Variants in MBD6 observed in about 807,000 individuals in gnomAD.
The protein encoded by MBD6 is methyl-CpG binding domain protein 6, also known as methyl-CpG-binding domain protein 6.
A neutral mutation model predicts 66.8 loss-of-function variants in MBD6; 22 were observed. The ratio of observed to expected loss-of-function variants is 0.33; its 90% confidence interval spans 0.24 to 0.47. The LOEUF is 0.47. Among genes scored for constraint, MBD6 ranks in the 20% least tolerant of loss-of-function variants. The pLI is 1.00. For missense variants in MBD6, 1,322 were observed against 1,286.9 expected (o/e 1.03, Z -0.42); for synonymous variants, 540 against 534.6 (o/e 1.01, Z -0.14).
Position 57,528,468 on chromosome 12 carries a change from A to G in MBD6, c.2728A>G (p.Thr910Ala), listed in dbSNP as rs775890075. The change falls in exon 10 of 13, where the codon ACC becomes GCC. Residue 910 changes from threonine to alanine, a missense_variant. Coordinates refer to ENST00000355673, the MANE Select transcript of MBD6 (RefSeq NM_052897.4). ...NGQMERSPRR[T>A]HHWQHNGELA... ...ACAAATGGAAAGGTCCCCAAGAAGA[A>G]CCCACCATTGGCAGCATAATGGGGA... The G allele has an allele frequency of 1.2e-6, 2 of 1,613,852 alleles. No homozygotes were observed. Among genetic ancestry groups the G allele is most frequent in the Non-Finnish European group, 1.7e-6 (2 of 1,180,026 alleles).
At position 57,524,338 on chromosome 12, in the gene MBD6, G is replaced by A; in HGVS notation, c.35G>A (p.Arg12Lys). The change falls in exon 3 of 13, where the codon AGA (arginine) becomes AAA (lysine). Residue 12 changes from arginine (R) to lysine (K), a missense_variant. Arg to Lys is a conservative substitution (Grantham distance 26). Coordinates refer to ENST00000355673, the MANE Select transcript of MBD6 (RefSeq NM_052897.4). ...GGCAATGAGAGCAGTGGAGCAGACA[G>A]AGCTGGGGGCCCTGTGGCCACATCT... is the stretch of plus-strand genomic sequence containing the variant. ...NGGNESSGAD[R>K]AGGPVATSVP... 6.3e-7 allele frequency: 1 copy of A among 1,588,556 alleles called. No individual in the cohort carries two copies. The highest frequency in any genetic ancestry group is 8.6e-7 in the Non-Finnish European group (1 of 1,168,726).
chr12:57,525,698 TCTC>T lies in MBD6; in HGVS notation c.735_737del (p.Pro246del). 1 of 1,613,944 alleles carries T rather than the reference TCTC, an allele frequency of 6.2e-7. No individual in the cohort carries two copies. The highest frequency in any genetic ancestry group is 8.5e-7 in the Non-Finnish European group (1 of 1,179,956). On this transcript the variant is annotated inframe_deletion, in exon 6 of 13. Transcript: ENST00000355673. Reference sequence around the variant, plus strand: ...CAGCCTGGTGCCCTCTGACCTGGGCTCTCCTCCGGCCCCTCATGCCTCCTCCTC... The same window carrying T: ...CAGCCTGGTGCCCTCTGACCTGGGCTCTCCGGCCCCTCATGCCTCCTCCTC...
rs1223579728 is a variant in MBD6 at position 57,529,262 on chromosome 12, C to G, written c.*28C>G. 12 of 1,613,044 alleles carry G rather than the reference C, an allele frequency of 7.4e-6. No individual in the cohort carries two copies. Among genetic ancestry groups the G allele is most frequent in the Middle Eastern group, 1.6e-4 (1 of 6,084 alleles). Reference sequence around the variant, plus strand: ...GCCATACCTGGAGCTGGATCTGACCCTGATTGGGGAGAGCTGAGTGCTGAG... The same window carrying G: ...GCCATACCTGGAGCTGGATCTGACCGTGATTGGGGAGAGCTGAGTGCTGAG... On this transcript the variant is annotated 3_prime_UTR_variant, in exon 13 of 13. Coordinates refer to ENST00000355673, the MANE Select transcript of MBD6 (RefSeq NM_052897.4).
At chr12:57,521,053 A>G (rs1328025807), upstream of MBD6, 2 of 152,326 alleles carry the variant, frequency 1.3e-5, no homozygotes, top group Non-Finnish European at 1.5e-5. Context: ...CCCCCACTAT[A>G]AGGGACTCCC....
In MBD6 at chr12:57,525,701, C is replaced by T. The variant is rs777843580; in HGVS notation, c.733C>T (p.Pro245Ser). 6.2e-6 allele frequency: 10 copies of T among 1,613,966 alleles called. No homozygotes were observed. The Admixed American group carries it at 1.5e-4, about 24-fold the overall frequency. The part of the protein sequence containing the change: ...SSLVPSDLGS[P>S]PAPHASSSPP... ...CCTGGTGCCCTCTGACCTGGGCTCT[C>T]CTCCGGCCCCTCATGCCTCCTCCTC... is the stretch of plus-strand genomic sequence containing the variant. The change falls in exon 6 of 13, where the codon CCT (proline) becomes TCT (serine). Residue 245 changes from proline (P) to serine (S), a missense_variant. By Grantham distance (74) the Pro-to-Ser change is moderately conservative. Transcript: ENST00000355673.
intron 5 of MBD6, 57 bp downstream of exon 5, chr12:57,525,172 G>A: frequency 1.3e-6 from 2 of 1,569,866 alleles, no homozygotes; most frequent in African/African-American, 2.8e-5. Context: ...TTGGAAGGCT[G>A]GTGGTGGGAG....
At chr12:57,521,158 G>C (rs1025853517), upstream of MBD6, 1 of 152,232 alleles carries the variant, frequency 6.6e-6, no homozygotes, top group African/African-American at 2.4e-5. Context: ...TCGACATCTC[G>C]AGTCTTCTTA....
At position 57,527,064 on chromosome 12, in the gene MBD6, G is replaced by A; in HGVS notation, c.1919G>A (p.Gly640Glu). 6.2e-7 allele frequency: 1 copy of A among 1,607,172 alleles called. No individual in the cohort carries two copies. Among genetic ancestry groups the A allele is most frequent in the Non-Finnish European group, 8.5e-7 (1 of 1,175,352 alleles). ...GGCCCCACAGCTGGGGATGGGGAGG[G>A]ATCTGCAGAGGGAGCCGGGGGTCCA... The part of the protein sequence containing the change: ...ALGPTAGDGE[G>E]SAEGAGGPSG... The change falls in exon 7 of 13, where the codon GGA (glycine) becomes GAA (glutamate). Residue 640 changes from glycine to glutamate, a missense_variant. Coordinates refer to ENST00000355673, the MANE Select transcript of MBD6 (RefSeq NM_052897.4).
chr12:57,524,224 A>G, intron 2 of MBD6, 56 bp from the exon 3 acceptor site: 4 of 1,118,196 alleles, frequency 3.6e-6, no homozygotes, highest in Non-Finnish European at 5.0e-6. Context: ...GTCCTCTCTC[A>G]GGTACTTCGC....
chr12:57,524,765 C>T lies in MBD6; in HGVS notation c.159C>T (p.Tyr53=). ...ELSSLEQTRS[Y]LLSDGTCKCG... is the part of the protein sequence containing the mutation. ...CTTCCTTGGAGCAAACCCGGAGCTA[C>T]CTCCTCAGCGATGGGACCTGCAAGT... Residue 53 remains tyrosine (Y), a synonymous_variant, in exon 4 of 13, where the codon TAC becomes TAT. Coordinates refer to ENST00000355673, the MANE Select transcript of MBD6 (RefSeq NM_052897.4). The T allele has an allele frequency of 6.2e-7, 1 of 1,614,258 alleles. No individual in the cohort carries two copies. The highest frequency in any genetic ancestry group is 8.5e-7 in the Non-Finnish European group (1 of 1,180,048).
In MBD6 at chr12:57,526,136, C is replaced by T. The variant is rs767581409; in HGVS notation, c.1168C>T (p.Arg390Trp). Residue 390 changes from arginine (R) to tryptophan (W), a missense_variant, in exon 6 of 13, where the codon CGG (arginine) becomes TGG (tryptophan). By Grantham distance (101) the Arg-to-Trp change is moderately radical. Coordinates refer to ENST00000355673, the MANE Select transcript of MBD6 (RefSeq NM_052897.4). ...GPQTPRRSRP[R>W]APAPVPQPFS... is the part of the protein sequence containing the mutation. ...TCAAACCCCTAGACGGAGCCGTCCT[C>T]GGGCCCCTGCTCCTGTCCCCCAACC... 42 of 1,614,140 alleles carry T rather than the reference C, an allele frequency of 2.6e-5. 1 individual carries two copies. The South Asian group carries it at 3.2e-4, about 12-fold the overall frequency.
rs750311720 is a variant in MBD6, at chr12:57,528,672, C to G, written c.2827C>G (p.Pro943Ala). The G allele has an allele frequency of 6.2e-7, 1 of 1,614,064 alleles. No individual in the cohort carries two copies. Among genetic ancestry groups the G allele is most frequent in the Non-Finnish European group, 8.5e-7 (1 of 1,180,012 alleles). Reference sequence around the variant, plus strand: ...ATAGTCCATCTTTTCTCAGGTGCCCCCGGGAGTAGTCAGAAAGTCTCGTCG... The same window carrying G: ...ATAGTCCATCTTTTCTCAGGTGCCCGCGGGAGTAGTCAGAAAGTCTCGTCG... ...GPHSEDLKVP[P>A]GVVRKSRRGR... Residue 943 changes from proline to alanine, a missense_variant, in exon 11 of 13, where the codon CCG becomes GCG. By Grantham distance (27) the Pro-to-Ala change is conservative (BLOSUM62 -1). Transcript: ENST00000355673.
In MBD6 at chr12:57,525,308, G is replaced by A. The variant is rs1878799438; in HGVS notation, c.380-40G>A. The A allele has an allele frequency of 5.9e-6, 9 of 1,534,094 alleles. No individual in the cohort carries two copies. The African/African-American group carries it at 7.0e-5, about 12-fold the overall frequency. ...GAGAAGACAAAAGAGTTTTTGGAAG[G>A]GGAGCCACAGGCTGACCCTTCATTT... On this transcript the variant is annotated intron_variant, in intron 5 of 12. Coordinates refer to ENST00000355673, the MANE Select transcript of MBD6 (RefSeq NM_052897.4).
upstream of MBD6, among the ~76,000 whole-genome samples, chr12:57,522,356 G>C (rs1176137911): frequency 1.3e-5 from 2 of 152,210 alleles, no homozygotes; most frequent in African/African-American, 4.8e-5. Flanking sequence ...TGGGGAGGCG[G>C]GTCAAGTCCC....
Position 57,528,384 on chromosome 12 carries a change from A to G in MBD6, c.2644A>G (p.Ser882Gly), listed in dbSNP as rs774628364. ...GCCAGCCCGGGGCCGAAAGCCTGGCAGCCGGCGGGAGCCTGGCCGACTGGC... is the reference window on the plus strand; with the variant it reads ...GCCAGCCCGGGGCCGAAAGCCTGGCGGCCGGCGGGAGCCTGGCCGACTGGC... ...ARPARGRKPG[S>G]RREPGRLALK... The change falls in exon 10 of 13, where the codon AGC (serine) becomes GGC (glycine). Residue 882 changes from serine to glycine, a missense_variant. Transcript: ENST00000355673. 3.2e-5 allele frequency: 51 copies of G among 1,612,680 alleles called. No homozygotes were observed. The highest frequency in any genetic ancestry group is 4.2e-5 in the Non-Finnish European group (50 of 1,179,880).
Position 57,526,101 on chromosome 12 carries a change from G to A in MBD6, c.1133G>A (p.Gly378Glu). Residue 378 changes from glycine (G) to glutamate (E), a missense_variant, in exon 6 of 13, where the codon GGG (glycine) becomes GAG (glutamate). By Grantham distance (98) the Gly-to-Glu change is moderately conservative. Transcript: ENST00000355673. ...RPPTVFRLLE[G>E]RGPQTPRRSR... is the part of the protein sequence containing the mutation. The stretch of plus-strand genomic sequence containing the variant: ...CCTACTGTATTTCGATTGCTAGAAG[G>A]GAGAGGCCCTCAAACCCCTAGACGG... The A allele has an allele frequency of 6.2e-7, 1 of 1,613,924 alleles. No individual in the cohort carries two copies.
intron 3 of MBD6, 151 bp from the exon 4 acceptor site, chr12:57,524,569 C>G: frequency 9.6e-7 from 1 of 1,045,858 alleles, no homozygotes; most frequent in Non-Finnish European, 1.5e-6. Flanking sequence ...AGCTCTGGGC[C>G]TTTGAATCCA....
chr12:57,525,123 T>C lies in MBD6; in HGVS notation c.379+8T>C. Reference sequence around the variant, plus strand: ...GCTCACACTCTTCTCCTGGTGAGTCTTCTGCCACTTTACAGAAGACCGAGG... The same window carrying C: ...GCTCACACTCTTCTCCTGGTGAGTCCTCTGCCACTTTACAGAAGACCGAGG... On this transcript the variant is annotated splice_region_variant and intron_variant, in intron 5 of 12. Coordinates refer to ENST00000355673, the MANE Select transcript of MBD6 (RefSeq NM_052897.4). 6.2e-7 allele frequency: 1 copy of C among 1,603,298 alleles called. No individual in the cohort carries two copies. Among genetic ancestry groups the C allele is most frequent in the Non-Finnish European group, 8.5e-7 (1 of 1,176,980 alleles).
chr12:57,526,496 G>A lies in MBD6; in HGVS notation c.1421-70G>A. 4 of 1,510,846 alleles carry A rather than the reference G, an allele frequency of 2.6e-6. No homozygotes were observed. In the South Asian group the frequency reaches 5.4e-5, roughly 20 times the overall value. The allele number at this position is 1,510,846 out of a possible 1,614,324, so 93.6% of individuals were successfully genotyped here. A position where few individuals can be genotyped will look rare whatever the true frequency, so the allele number is the denominator to read the frequency against. On this transcript the variant is annotated intron_variant, in intron 6 of 12. Transcript: ENST00000355673. ...TTGAGGGTTTTCTGGGTTGGGGGCAGGGAGGTTGGCTTCTTTGGATGATGG... is the reference window on the plus strand; with the variant it reads ...TTGAGGGTTTTCTGGGTTGGGGGCAAGGAGGTTGGCTTCTTTGGATGATGG...
Sources: gnomAD v4.1 joint callset for allele counts (sites outside exome capture counted in the v4.1 genomes callset) on GRCh38, gnomAD v4.1.1 for gene constraint, MANE v1.5 for transcripts, NCBI Gene and HGNC (gene_info 2026-07-23, HGNC 2026-07-21) for gene names.